The following PLLP variants were observed in gnomAD, a reference collection of about 807,000 sequenced individuals.
PLLP encodes plasma membrane proteolipid (plasmolipin).
PLLP carries 15 observed loss-of-function variants against 19.7 expected under a neutral mutation model. The ratio of observed to expected loss-of-function variants is 0.76; its 90% confidence interval spans 0.51 to 1.17. The LOEUF (loss-of-function observed/expected upper bound fraction) is 1.17. Among genes scored for constraint, PLLP ranks in the 50% most tolerant of loss-of-function variants. The pLI, the probability that PLLP is intolerant of heterozygous loss-of-function variation, is 0.00. For synonymous variants in PLLP, 111 were observed against 116.3 expected (o/e 0.95, Z 0.29); for missense variants, 255 against 258.3 (o/e 0.99, Z 0.09).
intron 1 of PLLP, among the ~76,000 whole-genome samples, chr16:57,272,351 G>A (rs2075478530): frequency 6.6e-6 from 1 of 152,216 alleles, no homozygotes. Context: ...TGAAGCCAGA[G>A]CTGAGAGGGG....
chr16:57,283,982 G>A (rs993180301), intron 1 of PLLP, among the ~76,000 whole-genome samples: 21 of 152,174 alleles, frequency 1.4e-4, no homozygotes, highest in African/African-American at 4.8e-4. Flanking sequence ...TTCCCTAGAG[G>A]GCTGGGGGCA....
In PLLP at chr16:57,258,433, C is replaced by A. The variant is rs745807800; in HGVS notation, c.432+29G>T. 3 of 1,603,360 alleles carry A rather than the reference C, an allele frequency of 1.9e-6. No individual in the cohort carries two copies. The South Asian group carries it at 3.3e-5, about 18-fold the overall frequency. The stretch of plus-strand genomic sequence containing the variant: ...GTCCTGGGGCTGAGACCCTGCAGAC[C>A]ACCAAGGGAGCCTGGGAAGCAGACT... On this transcript the variant is annotated intron_variant, in intron 3 of 3. Transcript: ENST00000219207.
Position 57,284,456 on chromosome 16 carries a change from C to G in PLLP, c.85G>C (p.Asp29His), listed in dbSNP as rs761753991. Residue 29 changes from aspartate (D) to histidine (H), a missense_variant, in exon 1 of 4, where the codon GAC becomes CAC. Asp to His is a moderately conservative substitution (Grantham distance 81). Transcript: ENST00000219207. ...AEASVSALRP[D>H]LGFVRSRLGA... The stretch of plus-strand genomic sequence containing the variant: ...AGGCGGGAGCGCACGAAGCCCAGGT[C>G]CGGGCGCAGCGCCGACACCGAGGCT... 56 of 1,410,540 alleles carry G rather than the reference C, an allele frequency of 4.0e-5. No homozygotes were observed. Among genetic ancestry groups the G allele is most frequent in the African/African-American group, 1.0e-4 (7 of 67,212 alleles). 87.4% of individuals were successfully genotyped at this position (1,410,540 alleles called of 1,614,324 possible). A position where few individuals can be genotyped will look rare whatever the true frequency, so the allele number is the denominator to read the frequency against.
intron 1 of PLLP, among the ~76,000 whole-genome samples, chr16:57,265,248 G>A (rs2075453532): frequency 1.3e-5 from 2 of 152,252 alleles, no homozygotes; most frequent in African/African-American, 4.8e-5. Context: ...AGGGCAGGAT[G>A]TCTCAGAACA....
chr16:57,267,712 T>C (rs1249895251), intron 1 of PLLP, among the ~76,000 whole-genome samples: 5 of 151,180 alleles, frequency 3.3e-5, no homozygotes, highest in Non-Finnish European at 7.4e-5. Flanking sequence ...ACCCTGCCTC[T>C]ACTAAAAATA....
intron 1 of PLLP, among the ~76,000 whole-genome samples, chr16:57,282,199 C>T (rs747965295): frequency 4.4e-4 from 66 of 151,322 alleles, no homozygotes; most frequent in Non-Finnish European, 8.5e-4. Flanking sequence ...CCTATTGCCC[C>T]TATTGCTAGT....
chr16:57,280,312 C>T (rs1901203072), intron 1 of PLLP, among the ~76,000 whole-genome samples: 1 of 152,126 alleles, frequency 6.6e-6, no homozygotes, highest in Non-Finnish European at 1.5e-5. Flanking sequence ...TCAGTAAATC[C>T]AGATAAGATC....
chr16:57,271,028 C>T (rs1482980269), intron 1 of PLLP, among the ~76,000 whole-genome samples: 2 of 152,208 alleles, frequency 1.3e-5, no homozygotes, highest in Non-Finnish European at 2.9e-5. Flanking sequence ...CCACCTCCCG[C>T]GTGGACCCTG....
intron 1 of PLLP, among the ~76,000 whole-genome samples, chr16:57,278,256 C>A (rs1901177548): frequency 1.3e-5 from 2 of 152,134 alleles, no homozygotes; most frequent in African/African-American, 2.4e-5. Context: ...AGGAGAATGG[C>A]GTGAACCCGG....
intron 1 of PLLP, among the ~76,000 whole-genome samples, chr16:57,263,914 C>T (rs760738772): frequency 9.2e-5 from 14 of 152,198 alleles, no homozygotes; most frequent in African/African-American, 1.9e-4. Context: ...ACCAAGGCTG[C>T]GTAGTGACCT....
At chr16:57,276,421 G>A (rs1355937155) in intron 1 of PLLP, among the ~76,000 whole-genome samples, 5 of 152,114 alleles carry the variant, frequency 3.3e-5, no homozygotes, top group African/African-American at 4.8e-5. Flanking sequence ...GCCAAACCCC[G>A]TCTCTACTAA....
intron 2 of PLLP, among the ~76,000 whole-genome samples, chr16:57,261,471 T>C (rs1003753090): frequency 6.6e-6 from 1 of 152,082 alleles, no homozygotes; most frequent in Non-Finnish European, 1.5e-5. Flanking sequence ...ACTCCCAGAA[T>C]TTTGGGAGGC....
At chr16:57,266,436 C>T (rs1157356814) in intron 1 of PLLP, among the ~76,000 whole-genome samples, 2 of 152,192 alleles carry the variant, frequency 1.3e-5, no homozygotes, top group Non-Finnish European at 2.9e-5. Context: ...CCAGCCCAGT[C>T]CCCCAAGAGA....
At chr16:57,281,925 C>T (rs1901224543) in intron 1 of PLLP, among the ~76,000 whole-genome samples, 1 of 152,200 alleles carries the variant, frequency 6.6e-6, no homozygotes, top group Admixed American at 6.5e-5. Context: ...GCCCACTTCC[C>T]TCACACCCAG....
intron 1 of PLLP, among the ~76,000 whole-genome samples, chr16:57,269,262 C>CT (rs2075467014): frequency 6.6e-6 from 1 of 152,218 alleles, no homozygotes; most frequent in African/African-American, 2.4e-5. Flanking sequence ...CCTATGGACT[C>CT]TGAGCTGTCA....
chr16:57,284,663 A>T lies in PLLP; in HGVS notation c.-123T>A. 2 of 1,008,566 alleles carry T rather than the reference A, an allele frequency of 2.0e-6. No individual in the cohort carries two copies. Among genetic ancestry groups the T allele is most frequent in the Non-Finnish European group, 1.3e-6 (1 of 781,382 alleles). The allele number at this position is 1,008,566 out of a possible 1,614,324, so 62.5% of individuals were successfully genotyped here. A position where few individuals can be genotyped will look rare whatever the true frequency, so the allele number is the denominator to read the frequency against. ...ATCCCTGTGTGGCTCCAGGCGCTGCAGGAGGCGTCGGGGCTGGGAGCCTGG... is the reference window on the plus strand; with the variant it reads ...ATCCCTGTGTGGCTCCAGGCGCTGCTGGAGGCGTCGGGGCTGGGAGCCTGG... On this transcript the variant is annotated 5_prime_UTR_variant, in exon 1 of 4. Transcript: ENST00000219207.
intron 1 of PLLP, among the ~76,000 whole-genome samples, chr16:57,263,792 T>G (rs2075449004): frequency 6.7e-6 from 1 of 150,366 alleles, no homozygotes; most frequent in Non-Finnish European, 1.5e-5. Context: ...CTCTCTGGAA[T>G]CCCTGGCCAC....
At chr16:57,262,679 G>A (rs1185112073) in intron 1 of PLLP, among the ~76,000 whole-genome samples, 1 of 152,160 alleles carries the variant, frequency 6.6e-6, no homozygotes, top group African/African-American at 2.4e-5. Context: ...AAGCTGCAGT[G>A]AGCTATGATC....
Position 57,284,488 on chromosome 16 carries a change from C to T in PLLP, c.53G>A (p.Gly18Asp). The T allele has an allele frequency of 6.9e-7, 1 of 1,441,990 alleles. No homozygotes were observed. Among genetic ancestry groups the T allele is most frequent in the Non-Finnish European group, 9.2e-7 (1 of 1,092,228 alleles). The allele number at this position is 1,441,990 out of a possible 1,614,324, so 89.3% of individuals were successfully genotyped here. A position where few individuals can be genotyped will look rare whatever the true frequency, so the allele number is the denominator to read the frequency against. ...VSTRTSSPAQ[G>D]AEASVSALRP... The stretch of plus-strand genomic sequence containing the variant: ...CAGCGCCGACACCGAGGCTTCGGCG[C>T]CCTGCGCAGGACTGCTGGTCCGCGT... Residue 18 changes from glycine to aspartate, a missense_variant, in exon 1 of 4, where the codon GGC becomes GAC. Coordinates refer to ENST00000219207, the MANE Select transcript of PLLP (RefSeq NM_015993.3).
Sources: allele counts gnomAD v4.1 joint callset (sites outside exome capture counted in the v4.1 genomes callset), GRCh38; gene constraint gnomAD v4.1.1; transcripts MANE v1.5; gene names NCBI Gene and HGNC (gene_info 2026-07-23, HGNC 2026-07-21).